Variants in NR2F1-AS1 observed in about 807,000 individuals in gnomAD.
The protein encoded by NR2F1-AS1 is NR2F1 regulatory antisense RNA 1, also known as NR2F1 antisense RNA 1.
At chr5:93,500,211 AT>A (rs1352615906) in intron 4 of NR2F1-AS1, among the ~76,000 whole-genome samples, 1 of 152,218 alleles carries the variant, frequency 6.6e-6, no homozygotes, top group Non-Finnish European at 1.5e-5. Flanking sequence ...TTTCACAGCT[AT>A]AGAGGAGAGG....
chr5:93,521,964 C>T (rs1257918074), intron 4 of NR2F1-AS1, among the ~76,000 whole-genome samples: 1 of 151,982 alleles, frequency 6.6e-6, no homozygotes, highest in Non-Finnish European at 1.5e-5. Flanking sequence ...ACCTAAATGC[C>T]CATCAATAAC....
intron 4 of NR2F1-AS1, among the ~76,000 whole-genome samples, chr5:93,431,292 G>A (rs1749316079): frequency 6.6e-6 from 1 of 151,702 alleles, no homozygotes; most frequent in Non-Finnish European, 1.5e-5. Context: ...GATGATGGTG[G>A]GGGGGAGATG....
chr5:93,550,767 T>A (rs1752208530), intron 4 of NR2F1-AS1, among the ~76,000 whole-genome samples: 1 of 152,228 alleles, frequency 6.6e-6, no homozygotes, highest in Non-Finnish European at 1.5e-5. Context: ...AATAAAGAGC[T>A]GATTATATCT....
intron 4 of NR2F1-AS1, among the ~76,000 whole-genome samples, chr5:93,531,530 G>A (rs1751736341): frequency 6.6e-6 from 1 of 152,142 alleles, no homozygotes; most frequent in African/African-American, 2.4e-5. Flanking sequence ...GTTGAACTGG[G>A]TGATTTCCTT....
chr5:93,468,000 C>A (rs1750277147), intron 4 of NR2F1-AS1, among the ~76,000 whole-genome samples: 1 of 152,182 alleles, frequency 6.6e-6, no homozygotes, highest in African/African-American at 2.4e-5. Flanking sequence ...TTTTTTATGG[C>A]TGCATAGTAT....
intron 4 of NR2F1-AS1, among the ~76,000 whole-genome samples, chr5:93,521,615 C>T (rs191373743): frequency 6.6e-6 from 1 of 152,216 alleles, no homozygotes; most frequent in Non-Finnish European, 1.5e-5. Flanking sequence ...TGAAAAAAAG[C>T]TCAAGATCAC....
intron 4 of NR2F1-AS1, among the ~76,000 whole-genome samples, chr5:93,494,809 A>G (rs367887290): frequency 6.6e-6 from 1 of 152,232 alleles, no homozygotes; most frequent in East Asian, 1.9e-4. Context: ...TTATAGCAGT[A>G]TTATTCATAA....
intron 4 of NR2F1-AS1, among the ~76,000 whole-genome samples, chr5:93,538,416 A>G (rs1751882515): frequency 6.6e-6 from 1 of 152,196 alleles, no homozygotes. Flanking sequence ...TTGAGGCTGC[A>G]GTGAGCCATA....
intron 2 of NR2F1-AS1, among the ~76,000 whole-genome samples, chr5:93,555,854 G>C (rs1752341691): frequency 6.6e-6 from 1 of 152,172 alleles, no homozygotes; most frequent in Non-Finnish European, 1.5e-5. Context: ...ATATCAACAT[G>C]TGAAAATATT....
chr5:93,573,492 T>C (rs1443981368), intron 1 of NR2F1-AS1, among the ~76,000 whole-genome samples: 1 of 152,042 alleles, frequency 6.6e-6, no homozygotes, highest in African/African-American at 2.4e-5. Flanking sequence ...AACTGGGAGA[T>C]CCTGGAAGAC....
At chr5:93,412,084 G>C (rs929958751) in intron 4 of NR2F1-AS1, among the ~76,000 whole-genome samples, 1 of 152,210 alleles carries the variant, frequency 6.6e-6, no homozygotes, top group Non-Finnish European at 1.5e-5. Context: ...CAGCATGGAA[G>C]GATCCAGTCA....
chr5:93,435,461 A>G (rs1205111289), intron 4 of NR2F1-AS1, among the ~76,000 whole-genome samples: 5 of 152,206 alleles, frequency 3.3e-5, no homozygotes, highest in East Asian at 1.9e-4. Context: ...TTGTTCCACT[A>G]TAACACTTTT....
intron 4 of NR2F1-AS1, among the ~76,000 whole-genome samples, chr5:93,524,796 C>A (rs923064752): frequency 6.6e-6 from 1 of 152,134 alleles, no homozygotes; most frequent in Non-Finnish European, 1.5e-5. Flanking sequence ...CCTTTACAGA[C>A]AAGCAAATGC....
intron 4 of NR2F1-AS1, chr5:93,423,091 T>C (rs1426109304): frequency 6.6e-6 from 1 of 152,218 alleles, no homozygotes; most frequent in African/African-American, 2.4e-5. Context: ...CAGGAATGCT[T>C]TCAGGGCACA....
intron 1 of NR2F1-AS1, among the ~76,000 whole-genome samples, chr5:93,580,190 G>C (rs1407202977): frequency 6.6e-6 from 1 of 152,214 alleles, no homozygotes; most frequent in African/African-American, 2.4e-5. Context: ...GTGGGGGTGG[G>C]AGCAGCCTGT....
intron 4 of NR2F1-AS1, among the ~76,000 whole-genome samples, chr5:93,549,297 A>AT (rs1337174133): frequency 6.6e-6 from 1 of 152,158 alleles, no homozygotes; most frequent in African/African-American, 2.4e-5. Flanking sequence ...CTCAGAAGGG[A>AT]TTTTTTATAA....
intron 4 of NR2F1-AS1, among the ~76,000 whole-genome samples, chr5:93,504,875 C>T (rs1439750397): frequency 1.3e-5 from 2 of 152,072 alleles, no homozygotes; most frequent in African/African-American, 4.8e-5. Context: ...TATCATCCTG[C>T]CCCTGGTCCC....
At chr5:93,468,568 T>C (rs1258018533) in intron 4 of NR2F1-AS1, among the ~76,000 whole-genome samples, 5 of 152,336 alleles carry the variant, frequency 3.3e-5, no homozygotes, top group African/African-American at 1.2e-4. Flanking sequence ...ATGAGTAGAT[T>C]GCAAAAATTT....
intron 4 of NR2F1-AS1, among the ~76,000 whole-genome samples, chr5:93,454,153 T>C (rs542139365): frequency 6.6e-6 from 1 of 151,704 alleles, no homozygotes; most frequent in South Asian, 2.1e-4. Flanking sequence ...TTGTGGCATG[T>C]GACTGTAGTC....
Sources: allele counts gnomAD v4.1 joint callset (sites outside exome capture counted in the v4.1 genomes callset), GRCh38; gene constraint gnomAD v4.1.1; transcripts MANE v1.5; gene names NCBI Gene and HGNC (gene_info 2026-07-23, HGNC 2026-07-21).